The following RBMS3 variants were observed in gnomAD, a reference collection of about 807,000 sequenced individuals.
RBMS3 encodes the protein RNA binding motif single stranded interacting protein 3, also known as RNA-binding motif, single-stranded-interacting protein 3.
RBMS3 carries 27 observed loss-of-function variants against 66.8 expected under a neutral mutation model. The ratio of observed to expected loss-of-function variants is 0.40; its 90% CI spans 0.30 to 0.56. The LOEUF (loss-of-function observed/expected upper bound fraction) is 0.56, where lower values mean the gene tolerates loss of function less well. Among genes scored for constraint, RBMS3 ranks in the 20% least tolerant of loss-of-function variants. The pLI is 0.40. For synonymous variants in RBMS3, 188 were observed against 183.0 expected, an observed-to-expected ratio of 1.03 and a Z score of -0.22; for missense variants, 513 against 549.5, an observed-to-expected ratio of 0.93 and a Z score of 0.66.
intron 1 of RBMS3, among the ~76,000 whole-genome samples, chr3:29,381,609 C>T (rs1017873393): frequency 2.6e-5 from 4 of 152,262 alleles, no homozygotes; most frequent in East Asian, 3.9e-4. Flanking sequence ...CTTTTTCTAC[C>T]ACTTTGCAGA....
intron 10 of RBMS3, among the ~76,000 whole-genome samples, chr3:29,930,538 G>A (rs1253206390): frequency 6.6e-6 from 1 of 151,912 alleles, no homozygotes; most frequent in Non-Finnish European, 1.5e-5. Flanking sequence ...GGGTTTGCTG[G>A]ATAATTATTT....
chr3:29,524,770 G>A (rs1380852442), intron 3 of RBMS3, among the ~76,000 whole-genome samples: 1 of 152,008 alleles, frequency 6.6e-6, no homozygotes, highest in Non-Finnish European at 1.5e-5. Context: ...GACCTCTTGA[G>A]AGGCTGGGTG....
intron 11 of RBMS3, among the ~76,000 whole-genome samples, chr3:29,940,457 T>A (rs1205389741): frequency 6.6e-6 from 1 of 151,814 alleles, no homozygotes; most frequent in Admixed American, 6.6e-5. Flanking sequence ...CAGTGAATAA[T>A]CTAGAGTAGG....
intron 3 of RBMS3, among the ~76,000 whole-genome samples, chr3:29,531,347 G>A (rs898829571): frequency 6.6e-6 from 1 of 152,184 alleles, no homozygotes; most frequent in Non-Finnish European, 1.5e-5. Flanking sequence ...GTAGTCAAAT[G>A]CTGTGTAAGT....
intron 3 of RBMS3, among the ~76,000 whole-genome samples, chr3:29,567,222 T>A (rs1263416804): frequency 6.6e-6 from 1 of 152,268 alleles, no homozygotes; most frequent in South Asian, 2.1e-4. Context: ...GAGCATTTGG[T>A]AAATCAATAG....
intron 1 of RBMS3, among the ~76,000 whole-genome samples, chr3:29,332,512 A>G (rs540891484): frequency 1.1e-4 from 16 of 152,244 alleles, no homozygotes; most frequent in African/African-American, 3.9e-4. Context: ...ATGTGGAATT[A>G]CCCTGGGCAC....
At chr3:29,688,119 T>C (rs923782270) in intron 4 of RBMS3, among the ~76,000 whole-genome samples, 8 of 152,152 alleles carry the variant, frequency 5.3e-5, no homozygotes, top group Non-Finnish European at 1.2e-4. Context: ...CTTTCTCATC[T>C]TTCTGCTTGA....
chr3:30,001,038 T>TTAA (rs1553717967), intron 14 of RBMS3, among the ~76,000 whole-genome samples: 1 of 151,480 alleles, frequency 6.6e-6, no homozygotes, highest in Admixed American at 6.6e-5. Context: ...TAAAGTATAA[T>TTAA]AAAAAAAAGA....
Position 29,550,039 on chromosome 3 carries a change from G to T in RBMS3, c.308-37075G>T, listed in dbSNP as rs139904862. 2.7e-3 allele frequency among the ~76,000 whole-genome samples: 404 copies of T among 152,188 alleles called. 4 individuals carry two copies. The highest frequency in any genetic ancestry group is 9.5e-3 in the African/African-American group (393 of 41,546). On this transcript the variant is annotated intron_variant, in intron 3 of 14. Transcript: ENST00000383767. The stretch of plus-strand genomic sequence containing the variant: ...CAGTTCTCATTTCCAAACATTCACT[G>T]CTTCTCCCTTGCTCCAAAGTAAAAT...
At chr3:29,788,756 A>G (rs2056909763) in intron 6 of RBMS3, among the ~76,000 whole-genome samples, 1 of 152,216 alleles carries the variant, frequency 6.6e-6, no homozygotes, top group Non-Finnish European at 1.5e-5. Context: ...GAAAATATAT[A>G]AACTGTACTT....
intron 4 of RBMS3, among the ~76,000 whole-genome samples, chr3:29,626,600 TG>T (rs1402523552): frequency 1.3e-5 from 2 of 152,204 alleles, no homozygotes; most frequent in African/African-American, 4.8e-5. Flanking sequence ...CTACCATTTT[TG>T]TTTGGCAATC....
intron 1 of RBMS3, among the ~76,000 whole-genome samples, chr3:29,302,056 C>G (rs2033709974): frequency 6.6e-6 from 1 of 151,992 alleles, no homozygotes; most frequent in Non-Finnish European, 1.5e-5. Context: ...GTTGCCCAGG[C>G]TGTAGTGCAG....
chr3:29,474,045 G>A (rs966537398), intron 2 of RBMS3, among the ~76,000 whole-genome samples: 2 of 152,370 alleles, frequency 1.3e-5, no homozygotes, highest in African/African-American at 4.8e-5. Context: ...TGCGAGGGCT[G>A]CCAGCACGCT....
rs192487310 is a variant in RBMS3, at chr3:29,435,469, C to A, written c.248+554C>A. Among the ~76,000 whole-genome samples the A allele has an allele frequency of 3.3e-5, 5 of 152,272 alleles. No individual in the cohort carries two copies. In the East Asian group the frequency reaches 7.7e-4, roughly 24 times the overall value. ...AGCTATCTCCCACCAAGGCCAAGGA[C>A]CACACTCACTAAGTAGTTTTATATT... On this transcript the variant is annotated intron_variant, in intron 2 of 14. Coordinates refer to ENST00000383767, the MANE Select transcript of RBMS3 (RefSeq NM_001003793.3).
chr3:29,713,218 T>C (rs1338626888), intron 4 of RBMS3, among the ~76,000 whole-genome samples: 1 of 152,046 alleles, frequency 6.6e-6, no homozygotes, highest in Non-Finnish European at 1.5e-5. Context: ...CCCCCATTAA[T>C]GATCACTTCC....
At position 29,556,679 on chromosome 3, in the gene RBMS3, GAAC is replaced by G. The variant is rs2046378780; in HGVS notation, c.308-30431_308-30429del. The stretch of plus-strand genomic sequence containing the variant: ...CTCAGTGCTCTGCACAGATCCCCTT[GAAC>G]AACTTTTAGGTCTTCTGTGAGCCCC... On this transcript the variant is annotated intron_variant, in intron 3 of 14. Transcript: ENST00000383767. Among the ~76,000 whole-genome samples, 3 of 152,124 alleles carry G rather than the reference GAAC, an allele frequency of 2.0e-5. No individual in the cohort carries two copies. The South Asian group carries it at 6.2e-4, about 32-fold the overall frequency.
chr3:29,686,163 G>A (rs1237070896), intron 4 of RBMS3, among the ~76,000 whole-genome samples: 2 of 152,138 alleles, frequency 1.3e-5, no homozygotes, highest in African/African-American at 2.4e-5. Flanking sequence ...TAGGCTAACA[G>A]TTCTTTTCCC....
intron 4 of RBMS3, among the ~76,000 whole-genome samples, chr3:29,590,747 A>C (rs1301755483): frequency 6.6e-6 from 1 of 152,102 alleles, no homozygotes; most frequent in Non-Finnish European, 1.5e-5. Context: ...AATCCCTGCT[A>C]ACAATAAGTT....
At chr3:29,402,102 AC>A (rs2039836693) in intron 1 of RBMS3, among the ~76,000 whole-genome samples, 2 of 152,144 alleles carry the variant, frequency 1.3e-5, no homozygotes, top group South Asian at 4.1e-4. Context: ...CACAGTGTTG[AC>A]TTTTTACATT....
Sources: allele counts gnomAD v4.1 joint callset (sites outside exome capture counted in the v4.1 genomes callset), GRCh38; gene constraint gnomAD v4.1.1; transcripts MANE v1.5; gene names NCBI Gene and HGNC (gene_info 2026-07-23, HGNC 2026-07-21).